The following RTF2 variants were observed in gnomAD, a reference collection of about 807,000 sequenced individuals.
RTF2 encodes replication termination factor 2.
Under a neutral mutation model 38.0 loss-of-function variants are expected in RTF2, and 18 were observed. The ratio of observed to expected loss-of-function variants is 0.47; its 90% CI spans 0.33 to 0.70. RTF2 has a LOEUF of 0.70. Ranked by LOEUF, RTF2 falls within the 30% of genes least tolerant of loss-of-function variation. The pLI is 0.02. For missense variants in RTF2, 311 were observed against 379.6 expected (o/e 0.82, Z 1.50); for synonymous variants, 126 against 137.1 (o/e 0.92, Z 0.57).
chr20:56,500,065 T>G (rs1983828475), intron 5 of RTF2, among the ~76,000 whole-genome samples: 1 of 151,940 alleles, frequency 6.6e-6, no homozygotes, highest in South Asian at 2.1e-4. Flanking sequence ...TTCTGTTGTT[T>G]TTTTTTTAGG....
intron 5 of RTF2, among the ~76,000 whole-genome samples, chr20:56,505,531 T>C (rs1374414504): frequency 7.0e-6 from 1 of 143,316 alleles, no homozygotes; most frequent in East Asian, 2.1e-4. Flanking sequence ...GCCCTGTGGG[T>C]GCACCTGGAC....
chr20:56,478,017 T>G (rs1173864470), intron 4 of RTF2, among the ~76,000 whole-genome samples: 1 of 152,164 alleles, frequency 6.6e-6, no homozygotes, highest in African/African-American at 2.4e-5. Context: ...GTTGAATGGG[T>G]TAGTACATGC....
At chr20:56,488,790 G>A (rs974643713) in intron 5 of RTF2, among the ~76,000 whole-genome samples, 2 of 152,234 alleles carry the variant, frequency 1.3e-5, no homozygotes, top group Non-Finnish European at 2.9e-5. Context: ...TAAGGAGAGA[G>A]TGAGCCTAGG....
intron 6 of RTF2, chr20:56,514,179 A>C (rs1247894883): frequency 6.6e-6 from 1 of 152,192 alleles, no homozygotes; most frequent in Non-Finnish European, 1.5e-5. Flanking sequence ...ATCCAGAAAC[A>C]GGGAAAGCAT....
intron 5 of RTF2, chr20:56,496,567 A>G: frequency 7.1e-7 from 1 of 1,413,928 alleles, no homozygotes; most frequent in African/African-American, 1.4e-5. Context: ...CAGTCAATCA[A>G]TCAATCAATC....
Position 56,477,026 on chromosome 20 carries a change from A to G in RTF2, c.300A>G (p.Glu100=). The G allele has an allele frequency of 1.2e-6, 2 of 1,614,110 alleles. No individual in the cohort carries two copies. The highest frequency in any genetic ancestry group is 1.7e-6 in the Non-Finnish European group (2 of 1,179,972). The change falls in exon 4 of 9, where the codon GAA becomes GAG. Residue 100 remains glutamate, a synonymous_variant. Transcript: ENST00000357348. Reference sequence around the variant, plus strand: ...AGCTTTCTGATAATCCTGCCTGGGAAGGGGATAAAGGAAACACTAAAGGTG... The same window carrying G: ...AGCTTTCTGATAATCCTGCCTGGGAGGGGGATAAAGGAAACACTAAAGGTG... ...ELKLSDNPAW[E]GDKGNTKGDK...
chr20:56,495,951 A>G (rs1983500741), intron 5 of RTF2, among the ~76,000 whole-genome samples: 1 of 152,250 alleles, frequency 6.6e-6, no homozygotes. Context: ...TCCATCTTAC[A>G]GAGAGCCCTT....
intron 5 of RTF2, among the ~76,000 whole-genome samples, chr20:56,512,821 C>T (rs572332012): frequency 1.3e-3 from 204 of 152,202 alleles, no homozygotes; most frequent in Non-Finnish European, 2.3e-3. Flanking sequence ...AGGGGTTGTA[C>T]GAAGTGAATA....
chr20:56,470,240 G>T (rs1981888396), intron 1 of RTF2, among the ~76,000 whole-genome samples: 4 of 152,208 alleles, frequency 2.6e-5, no homozygotes, highest in Non-Finnish European at 5.9e-5. Flanking sequence ...CCAAAAAAGT[G>T]TTTAGCTCAG....
chr20:56,512,636 C>T (rs1984749955), intron 5 of RTF2, among the ~76,000 whole-genome samples: 1 of 152,132 alleles, frequency 6.6e-6, no homozygotes, highest in Admixed American at 6.5e-5. Context: ...CCCAAGGCTG[C>T]CGTCATGCTT....
intron 4 of RTF2, among the ~76,000 whole-genome samples, chr20:56,480,320 C>T (rs1199137382): frequency 6.6e-6 from 1 of 151,580 alleles, no homozygotes; most frequent in Non-Finnish European, 1.5e-5. Flanking sequence ...ACCTCTTCCT[C>T]TGCAGCTTTC....
intron 5 of RTF2, among the ~76,000 whole-genome samples, chr20:56,490,381 C>A (rs1479413714): frequency 1.3e-5 from 2 of 152,210 alleles, no homozygotes; most frequent in Non-Finnish European, 2.9e-5. Context: ...ATAAAGTTCT[C>A]CACAACAGCA....
chr20:56,517,314 A>T, intron 8 of RTF2, 113 bp downstream of exon 8: 2 of 791,702 alleles, frequency 2.5e-6, no homozygotes, highest in Non-Finnish European at 4.3e-6. Flanking sequence ...GTCCTATGTC[A>T]TGTCTCTAGA....
At chr20:56,491,861 T>C in intron 5 of RTF2, 1 of 1,053,314 alleles carries the variant, frequency 9.5e-7, no homozygotes, top group Non-Finnish European at 1.4e-6. Flanking sequence ...TGGCGCATGC[T>C]CCGTCCGGTG....
Position 56,484,158 on chromosome 20 carries a change from T to C in RTF2, c.446T>C (p.Leu149Ser). 1 of 1,614,174 alleles carries C rather than the reference T, an allele frequency of 6.2e-7. No individual in the cohort carries two copies. Among genetic ancestry groups the C allele is most frequent in the Non-Finnish European group, 8.5e-7 (1 of 1,180,018 alleles). ...GGCTGTGTGTTTTCTGAGCGAGCCTTGAAAGAGATAAAAGCGGAAGTTTGC... is the reference window on the plus strand; with the variant it reads ...GGCTGTGTGTTTTCTGAGCGAGCCTCGAAAGAGATAAAAGCGGAAGTTTGC... ...CCGCVFSERALKEIKAEVCHT... is the reference protein window; with the variant it reads ...CCGCVFSERASKEIKAEVCHT... Residue 149 changes from leucine to serine, a missense_variant, in exon 5 of 9, where the codon TTG becomes TCG. Physicochemically the swap from Leu to Ser is moderately radical, Grantham distance 145. Transcript: ENST00000357348.
chr20:56,494,319 T>C (rs529582647), intron 5 of RTF2, among the ~76,000 whole-genome samples: 2 of 152,334 alleles, frequency 1.3e-5, no homozygotes, highest in African/African-American at 4.8e-5. Context: ...CAAACATTGT[T>C]GAAACATTCT....
chr20:56,483,853 A>G (rs573123722), intron 4 of RTF2, among the ~76,000 whole-genome samples: 26 of 152,258 alleles, frequency 1.7e-4, no homozygotes, highest in Non-Finnish European at 3.2e-4. Flanking sequence ...ATATTTATTG[A>G]AAATATTTCC....
At chr20:56,472,487 A>T (rs1224882498) in intron 1 of RTF2, 33 of 847,940 alleles carry the variant, frequency 3.9e-5, no homozygotes, top group Non-Finnish European at 5.7e-5. Flanking sequence ...ATAAAGTTTG[A>T]TGTATCCCTT....
chr20:56,508,746 A>C (rs1376262575), intron 5 of RTF2, among the ~76,000 whole-genome samples: 1 of 152,240 alleles, frequency 6.6e-6, no homozygotes, highest in East Asian at 1.9e-4. Context: ...ATTTTTGACA[A>C]AAGGGCCAAG....
Sources: gnomAD v4.1 joint callset for allele counts (sites outside exome capture counted in the v4.1 genomes callset) on GRCh38, gnomAD v4.1.1 for gene constraint, MANE v1.5 for transcripts, NCBI Gene and HGNC (gene_info 2026-07-23, HGNC 2026-07-21) for gene names.